Variants in IQCM observed in about 807,000 individuals in gnomAD.
IQCM encodes IQ motif containing M, also known as IQ domain-containing protein M.
A neutral mutation model predicts 57.6 loss-of-function variants in IQCM; 45 were observed. That is an observed-to-expected ratio of 0.78 (90% CI 0.62 to 1.00). The LOEUF is 1.00. Ranked by LOEUF, IQCM falls within the 50% of genes least tolerant of loss-of-function variation. The probability of loss-of-function intolerance (pLI) is 0.00; values close to 1 mark genes in which losing one functional copy is unlikely to be tolerated. For synonymous variants in IQCM, 148 were observed against 158.9 expected, an observed-to-expected ratio of 0.93 and a Z score of 0.51; for missense variants, 468 against 511.6, an observed-to-expected ratio of 0.91 and a Z score of 0.82.
chr4:149,542,849 C>T (rs903473319), intron 12 of IQCM, among the ~76,000 whole-genome samples: 2 of 152,000 alleles, frequency 1.3e-5, no homozygotes, highest in African/African-American at 4.8e-5. Flanking sequence ...AGCCTCATAA[C>T]AGTCCAGTGA....
chr4:149,687,425 A>T (rs1216832207), intron 5 of IQCM, among the ~76,000 whole-genome samples: 1 of 151,600 alleles, frequency 6.6e-6, no homozygotes, highest in African/African-American at 2.4e-5. Flanking sequence ...CAATACAATA[A>T]AAATAATATA....
At chr4:149,416,324 G>A (rs1174304219) in intron 13 of IQCM, among the ~76,000 whole-genome samples, 1 of 152,006 alleles carries the variant, frequency 6.6e-6, no homozygotes, top group Admixed American at 6.6e-5. Context: ...ATCTATTTTT[G>A]TATTCAATAT....
At chr4:149,533,879 T>C (rs1402266115) in intron 12 of IQCM, among the ~76,000 whole-genome samples, 2 of 152,002 alleles carry the variant, frequency 1.3e-5, no homozygotes, top group Non-Finnish European at 2.9e-5. Flanking sequence ...ATAGCAAGAT[T>C]TAATAGAAAA....
chr4:149,795,788 C>G (rs1387628623), intron 2 of IQCM, among the ~76,000 whole-genome samples: 1 of 152,154 alleles, frequency 6.6e-6, no homozygotes, highest in Non-Finnish European at 1.5e-5. Context: ...TTTCCAAGCC[C>G]TAGCTCCTGG....
At chr4:149,725,281 C>T (rs1322724085) in intron 5 of IQCM, among the ~76,000 whole-genome samples, 2 of 152,132 alleles carry the variant, frequency 1.3e-5, no homozygotes, top group Non-Finnish European at 2.9e-5. Flanking sequence ...ACGCAGTACA[C>T]ACTTTTCTTT....
At chr4:149,493,277 G>A (rs995216940) in intron 12 of IQCM, among the ~76,000 whole-genome samples, 1 of 151,866 alleles carries the variant, frequency 6.6e-6, no homozygotes, top group African/African-American at 2.4e-5. Flanking sequence ...GGATCTAGAG[G>A]AGAAAATAAT....
chr4:149,675,958 A>T (rs1761713473), intron 7 of IQCM, among the ~76,000 whole-genome samples: 1 of 152,050 alleles, frequency 6.6e-6, no homozygotes, highest in Admixed American at 6.6e-5. Flanking sequence ...GGTTTGCGCC[A>T]GGCCACACAG....
chr4:149,633,510 G>T (rs1368782125), intron 7 of IQCM, among the ~76,000 whole-genome samples: 1 of 152,142 alleles, frequency 6.6e-6, no homozygotes, highest in Non-Finnish European at 1.5e-5. Context: ...GAAAATTGAT[G>T]ATACTAATAA....
At chr4:149,660,703 A>G (rs1760109935) in intron 7 of IQCM, among the ~76,000 whole-genome samples, 1 of 152,086 alleles carries the variant, frequency 6.6e-6, no homozygotes, top group Admixed American at 6.6e-5. Context: ...GAAATTGGAA[A>G]TCATCATTCT....
At chr4:149,497,585 G>A (rs1413873051) in intron 12 of IQCM, among the ~76,000 whole-genome samples, 1 of 151,900 alleles carries the variant, frequency 6.6e-6, no homozygotes, top group Non-Finnish European at 1.5e-5. Flanking sequence ...GAACAGCACT[G>A]GAAAGACCTG....
At chr4:149,620,398 A>G (rs973406368) in intron 8 of IQCM, among the ~76,000 whole-genome samples, 14 of 152,176 alleles carry the variant, frequency 9.2e-5, no homozygotes, top group Non-Finnish European at 1.5e-5. Context: ...CAGTGATATG[A>G]AAAGAGAGAA....
chr4:149,477,427 G>A (rs1337564384), intron 12 of IQCM, among the ~76,000 whole-genome samples: 1 of 152,148 alleles, frequency 6.6e-6, no homozygotes, highest in Non-Finnish European at 1.5e-5. Context: ...GTAAGAGGGA[G>A]AGGACATGTG....
intron 8 of IQCM, among the ~76,000 whole-genome samples, chr4:149,610,530 C>A (rs1202782462): frequency 6.6e-6 from 1 of 151,746 alleles, no homozygotes; most frequent in Admixed American, 6.6e-5. Context: ...AACAAATAGA[C>A]CAGTGGAACA....
At chr4:149,792,860 T>A (rs990454096) in intron 2 of IQCM, among the ~76,000 whole-genome samples, 2 of 152,164 alleles carry the variant, frequency 1.3e-5, no homozygotes, top group Admixed American at 1.3e-4. Flanking sequence ...ATCTCCAAAG[T>A]GTTCAGAGGA....
intron 10 of IQCM, among the ~76,000 whole-genome samples, chr4:149,555,410 A>C (rs1749483496): frequency 6.6e-6 from 1 of 152,116 alleles, no homozygotes. Context: ...CCAATCCCAA[A>C]CTTTGAATGG....
chr4:149,581,391 T>C (rs1752167460), intron 9 of IQCM, among the ~76,000 whole-genome samples: 1 of 151,500 alleles, frequency 6.6e-6, no homozygotes, highest in South Asian at 2.1e-4. Flanking sequence ...TTGTAGTTAT[T>C]ACACTATTTT....
intron 2 of IQCM, among the ~76,000 whole-genome samples, chr4:149,787,005 G>A (rs1181234359): frequency 1.3e-5 from 2 of 152,140 alleles, no homozygotes; most frequent in African/African-American, 2.4e-5. Context: ...GCCATAAAAA[G>A]GAATGATATC....
At chr4:149,483,003 T>C (rs1260832668) in intron 12 of IQCM, among the ~76,000 whole-genome samples, 8 of 151,964 alleles carry the variant, frequency 5.3e-5, no homozygotes, top group Admixed American at 5.3e-4. Flanking sequence ...TGGTAGGTTG[T>C]ATGTTTCTAG....
At chr4:149,662,194 T>C (rs887382936) in intron 7 of IQCM, among the ~76,000 whole-genome samples, 5 of 152,080 alleles carry the variant, frequency 3.3e-5, no homozygotes, top group Admixed American at 1.3e-4. Context: ...ATTTCCTCAT[T>C]GATCCACTGG....
Sources: gnomAD v4.1 joint callset for allele counts (sites outside exome capture counted in the v4.1 genomes callset) on GRCh38, gnomAD v4.1.1 for gene constraint, MANE v1.5 for transcripts, NCBI Gene and HGNC (gene_info 2026-07-23, HGNC 2026-07-21) for gene names.